C12orf42: variants seen among roughly 807,000 people sequenced by gnomAD.
The protein encoded by C12orf42 is chromosome 12 open reading frame 42.
Under a neutral mutation model 21.6 loss-of-function variants are expected in C12orf42, and 25 were observed. The ratio of observed to expected loss-of-function variants is 1.16; its 90% CI spans 0.84 to 1.62. C12orf42 has a LOEUF of 1.62. C12orf42 is among the 40% of genes most tolerant of loss of function. The probability of loss-of-function intolerance (pLI) is 0.00; values close to 1 mark genes in which losing one functional copy is unlikely to be tolerated. For synonymous variants in C12orf42, 174 were observed against 175.0 expected (o/e 0.99, Z 0.05); for missense variants, 483 against 459.3 (o/e 1.05, Z -0.47).
intron 4 of C12orf42, among the ~76,000 whole-genome samples, chr12:103,324,201 C>T (rs2040454073): frequency 6.6e-6 from 1 of 152,028 alleles, no homozygotes; most frequent in Non-Finnish European, 1.5e-5. Context: ...TAAGCACTTA[C>T]AATATTATTA....
At chr12:103,148,550 G>A in the C12orf42 span, among the ~76,000 whole-genome samples, 1 of 151,964 alleles carries the variant, frequency 6.6e-6, no homozygotes, top group African/African-American at 2.4e-5. Flanking sequence ...CTGGACCATG[G>A]AGTGAGCAGA....
the C12orf42 span, among the ~76,000 whole-genome samples, chr12:103,227,218 G>T: frequency 6.6e-6 from 1 of 152,010 alleles, no homozygotes; most frequent in African/African-American, 2.4e-5. Context: ...GGGTTCAGGG[G>T]TTCTTACCTT....
the C12orf42 span, among the ~76,000 whole-genome samples, chr12:103,128,908 A>G: frequency 6.6e-6 from 1 of 152,200 alleles, no homozygotes; most frequent in African/African-American, 2.4e-5. Context: ...TGAAGGAAGA[A>G]ATATTATCTT....
At chr12:103,375,654 C>T (rs1007230701) in intron 3 of C12orf42, among the ~76,000 whole-genome samples, 4 of 151,952 alleles carry the variant, frequency 2.6e-5, no homozygotes, top group African/African-American at 7.3e-5. Context: ...GATTGTCATT[C>T]GTGTATTGCT....
intron 2 of C12orf42, among the ~76,000 whole-genome samples, chr12:103,445,233 G>A (rs1352364129): frequency 2.0e-5 from 3 of 152,168 alleles, no homozygotes; most frequent in Non-Finnish European, 4.4e-5. Flanking sequence ...AAACCCAGCT[G>A]GTGTCCACTG....
At chr12:103,439,594 G>T (rs573765084) in intron 2 of C12orf42, among the ~76,000 whole-genome samples, 8 of 144,940 alleles carry the variant, frequency 5.5e-5, no homozygotes, top group African/African-American at 2.1e-4. Flanking sequence ...AAAAGTGGGC[G>T]AAGGACATGA....
chr12:103,227,403 GGT>G, the C12orf42 span, among the ~76,000 whole-genome samples: 1 of 151,882 alleles, frequency 6.6e-6, no homozygotes, highest in Admixed American at 6.6e-5. Context: ...AAGAGGTCGG[GGT>G]GTGGAAATAA....
At chr12:103,311,679 G>A (rs1420883276) in intron 4 of C12orf42, among the ~76,000 whole-genome samples, 1 of 152,074 alleles carries the variant, frequency 6.6e-6, no homozygotes, top group Non-Finnish European at 1.5e-5. Context: ...CATAGCCCAT[G>A]ACTTAAAGTC....
chr12:103,058,210 C>A, the C12orf42 span, among the ~76,000 whole-genome samples: 1 of 152,118 alleles, frequency 6.6e-6, no homozygotes, highest in African/African-American at 2.4e-5. Context: ...CCGCCTTGGC[C>A]TCCTGAAGTG....
chr12:103,499,034 A>T (rs11111616), upstream of C12orf42, among the ~76,000 whole-genome samples: 19,005 of 149,438 alleles, frequency 0.13, 1,322 homozygotes, highest in East Asian at 0.22. Flanking sequence ...AAAATAAATT[A>T]AAAAAAAAAG....
At chr12:103,330,292 A>C (rs1052713051) in intron 4 of C12orf42, among the ~76,000 whole-genome samples, 6 of 152,204 alleles carry the variant, frequency 3.9e-5, no homozygotes, top group African/African-American at 1.2e-4. Context: ...TTGGTTTTAG[A>C]GACTGTATCT....
upstream of C12orf42, among the ~76,000 whole-genome samples, chr12:103,497,368 A>G (rs1201685466): frequency 6.6e-6 from 1 of 152,254 alleles, no homozygotes; most frequent in African/African-American, 2.4e-5. Flanking sequence ...TCCTAAATAC[A>G]TAGAATCATG....
chr12:103,437,826 T>C (rs1274777721), intron 2 of C12orf42, among the ~76,000 whole-genome samples: 1 of 133,502 alleles, frequency 7.5e-6, no homozygotes, highest in African/African-American at 2.8e-5. Context: ...CTACCAGAGG[T>C]ACAAAGAGGA....
chr12:103,185,310 C>T, the C12orf42 span, among the ~76,000 whole-genome samples: 1 of 152,156 alleles, frequency 6.6e-6, no homozygotes, highest in Non-Finnish European at 1.5e-5. Context: ...TTGGAGAAAG[C>T]TCTTCAGCAG....
the C12orf42 span, among the ~76,000 whole-genome samples, chr12:103,538,503 C>G: frequency 2.6e-5 from 4 of 152,150 alleles, no homozygotes; most frequent in African/African-American, 9.7e-5. Context: ...AATGAGAGGC[C>G]CTGGCACAAA....
the C12orf42 span, among the ~76,000 whole-genome samples, chr12:103,221,563 C>T: frequency 1.3e-5 from 2 of 152,210 alleles, no homozygotes; most frequent in Non-Finnish European, 2.9e-5. Context: ...ACTATGTCTT[C>T]CTTCTCTACC....
intron 4 of C12orf42, among the ~76,000 whole-genome samples, chr12:103,286,006 G>C (rs1011397284): frequency 6.6e-6 from 1 of 152,322 alleles, no homozygotes; most frequent in Non-Finnish European, 1.5e-5. Flanking sequence ...AGCACTTTGG[G>C]GGGGTGCCAA....
chr12:103,158,690 C>G, the C12orf42 span, among the ~76,000 whole-genome samples: 1 of 152,018 alleles, frequency 6.6e-6, no homozygotes, highest in Non-Finnish European at 1.5e-5. Context: ...ACCAGCCCGG[C>G]CAACATGGTG....
intron 2 of C12orf42, among the ~76,000 whole-genome samples, chr12:103,465,598 T>C (rs1013016933): frequency 6.6e-6 from 1 of 152,202 alleles, no homozygotes; most frequent in Non-Finnish European, 1.5e-5. Flanking sequence ...TCTTTCTTTC[T>C]CTTGCCTGAT....
Sources: gnomAD v4.1 joint callset for allele counts (sites outside exome capture counted in the v4.1 genomes callset) on GRCh38, gnomAD v4.1.1 for gene constraint, MANE v1.5 for transcripts, NCBI Gene and HGNC (gene_info 2026-07-23, HGNC 2026-07-21) for gene names.